Variants in TAOK1 observed in about 807,000 individuals in gnomAD.
TAOK1 encodes the protein TAO kinase 1.
Under a neutral mutation model 138.3 loss-of-function variants are expected in TAOK1, and 21 were observed. The observed-to-expected ratio is 0.15, with a 90% CI of 0.11 to 0.22. The LOEUF (loss-of-function observed/expected upper bound fraction) is 0.22. TAOK1 is among the 10% of genes least tolerant of loss of function. The pLI, the probability that TAOK1 is intolerant of heterozygous loss-of-function variation, is 1.00. For missense variants in TAOK1, 651 were observed against 1,227.7 expected (o/e 0.53, Z 7.02); for synonymous variants, 361 against 398.4 (o/e 0.91, Z 1.12).
chr17:29,422,588 A>T (rs1463832163), intron 1 of TAOK1, among the ~76,000 whole-genome samples: 1 of 152,172 alleles, frequency 6.6e-6, no homozygotes, highest in African/African-American at 2.4e-5. Context: ...GAGTTATCAG[A>T]TTAACTGGTA....
At chr17:29,492,145 T>C (rs1443078630) in intron 10 of TAOK1, among the ~76,000 whole-genome samples, 4 of 152,132 alleles carry the variant, frequency 2.6e-5, no homozygotes, top group East Asian at 1.9e-4. Flanking sequence ...CCTCAGCCTC[T>C]CAAGGGCTTG....
chr17:29,463,724 C>T (rs1440661333), intron 2 of TAOK1, among the ~76,000 whole-genome samples: 1 of 152,132 alleles, frequency 6.6e-6, no homozygotes, highest in Non-Finnish European at 1.5e-5. Context: ...TGAACAACAA[C>T]AACAGGATAA....
chr17:29,457,963 A>G (rs1378637165), intron 2 of TAOK1, among the ~76,000 whole-genome samples: 1 of 152,032 alleles, frequency 6.6e-6, no homozygotes, highest in Non-Finnish European at 1.5e-5. Flanking sequence ...ACAAAAAATT[A>G]GCCGGGTGTG....
intron 1 of TAOK1, among the ~76,000 whole-genome samples, chr17:29,448,503 G>T (rs550695722): frequency 6.6e-6 from 1 of 152,156 alleles, no homozygotes; most frequent in East Asian, 1.9e-4. Context: ...GGTCTTTTAG[G>T]TTATTAATTT....
At chr17:29,482,174 T>C (rs900770368) in intron 7 of TAOK1, 23 bp from the exon 8 acceptor site, 3 of 1,567,374 alleles carry the variant, frequency 1.9e-6, no homozygotes. Flanking sequence ...AAATCTTTAA[T>C]TTAAATTAAC....
chr17:29,434,158 C>T (rs940537376), intron 1 of TAOK1, among the ~76,000 whole-genome samples: 1 of 152,150 alleles, frequency 6.6e-6, no homozygotes, highest in Non-Finnish European at 1.5e-5. Context: ...AGAAACTTTA[C>T]CCTTTTGCTG....
At chr17:29,421,998 C>T (rs974672451) in intron 1 of TAOK1, among the ~76,000 whole-genome samples, 1 of 150,570 alleles carries the variant, frequency 6.6e-6, no homozygotes, top group Non-Finnish European at 1.5e-5. Context: ...CCCGGGTTCA[C>T]GCCATTCTCC....
chr17:29,530,901 AGT>A (rs1341985308), intron 18 of TAOK1, among the ~76,000 whole-genome samples: 1 of 151,700 alleles, frequency 6.6e-6, no homozygotes, highest in Non-Finnish European at 1.5e-5. Flanking sequence ...TTTGGGAAGC[AGT>A]GAGCAAAAGG....
At chr17:29,409,639 C>T (rs1340133376) in intron 1 of TAOK1, among the ~76,000 whole-genome samples, 1 of 151,900 alleles carries the variant, frequency 6.6e-6, no homozygotes, top group African/African-American at 2.4e-5. Flanking sequence ...AGCCTATGGA[C>T]GTGTATTTTT....
In TAOK1 at chr17:29,430,058, A is replaced by T. The variant is rs191190641; in HGVS notation, c.-94-21397A>T. ...TTTCTTCCATTTGAATCAAAAAGATAAAAAGAGAGGGCTTGTATTTTTGTC... is the reference window on the plus strand; with the variant it reads ...TTTCTTCCATTTGAATCAAAAAGATTAAAAGAGAGGGCTTGTATTTTTGTC... On this transcript the variant is annotated intron_variant, in intron 1 of 19. Transcript: ENST00000261716. 2.5e-4 allele frequency among the ~76,000 whole-genome samples: 38 copies of T among 152,330 alleles called. No homozygotes were observed. The East Asian group carries it at 5.6e-3, about 22-fold the overall frequency.
chr17:29,406,749 G>A (rs548478218), intron 1 of TAOK1, among the ~76,000 whole-genome samples: 1 of 152,188 alleles, frequency 6.6e-6, no homozygotes, highest in South Asian at 2.1e-4. Context: ...GCTAATTTTT[G>A]TAGTGACAGG....
chr17:29,517,293 T>G (rs1274708880), intron 15 of TAOK1, among the ~76,000 whole-genome samples, 160 bp from the exon 16 acceptor site: 1 of 152,036 alleles, frequency 6.6e-6, no homozygotes, highest in Non-Finnish European at 1.5e-5. Context: ...CAGCCTAATT[T>G]TGTATTTTAG....
At chr17:29,429,264 A>G (rs1033549415) in intron 1 of TAOK1, among the ~76,000 whole-genome samples, 3 of 152,020 alleles carry the variant, frequency 2.0e-5, no homozygotes, top group Non-Finnish European at 4.4e-5. Context: ...GAGTTCTTGT[A>G]TACCTTTCAT....
At chr17:29,533,173 C>T (rs1226323251) in intron 18 of TAOK1, among the ~76,000 whole-genome samples, 2 of 148,396 alleles carry the variant, frequency 1.3e-5, no homozygotes, top group Admixed American at 6.7e-5. Flanking sequence ...GGGTCGCGGC[C>T]GGGCAGAGGC....
chr17:29,478,110 A>G, intron 5 of TAOK1, 141 bp from the exon 6 acceptor site: 1 of 572,880 alleles, frequency 1.7e-6, no homozygotes, highest in Non-Finnish European at 2.9e-6. Flanking sequence ...TACAAGTTAT[A>G]AAGTTTAATA....
chr17:29,491,941 A>G (rs1233589655), intron 10 of TAOK1, 76 bp downstream of exon 10: 2 of 1,125,608 alleles, frequency 1.8e-6, no homozygotes, highest in Non-Finnish European at 1.3e-6. Context: ...CTGGAGTGGC[A>G]GTGGCACAAT....
intron 14 of TAOK1, among the ~76,000 whole-genome samples, chr17:29,508,384 AT>A (rs2031663614): frequency 6.6e-6 from 1 of 152,212 alleles, no homozygotes; most frequent in Admixed American, 6.5e-5. Context: ...AAAACTGTTC[AT>A]TGGAGTAGTC....
chr17:29,433,666 C>T (rs924531518), intron 1 of TAOK1, among the ~76,000 whole-genome samples: 6 of 152,048 alleles, frequency 3.9e-5, no homozygotes, highest in South Asian at 2.1e-4. Flanking sequence ...GAGCACTTCC[C>T]GCCCTGCCAT....
intron 2 of TAOK1, among the ~76,000 whole-genome samples, chr17:29,464,742 C>G (rs539481212): frequency 1.3e-4 from 20 of 151,906 alleles, no homozygotes; most frequent in Non-Finnish European, 2.2e-4. Context: ...TTCCACTAAC[C>G]AATCCACTGG....
Sources: allele counts gnomAD v4.1 joint callset (sites outside exome capture counted in the v4.1 genomes callset), GRCh38; gene constraint gnomAD v4.1.1; transcripts MANE v1.5; gene names NCBI Gene and HGNC (gene_info 2026-07-23, HGNC 2026-07-21).